Variants in EPM2A observed in about 807,000 individuals in gnomAD.
EPM2A encodes EPM2A glucan phosphatase, laforin, also known as laforin.
EPM2A carries 21 observed loss-of-function variants against 26.5 expected under a neutral mutation model. The ratio of observed to expected loss-of-function variants is 0.79; its 90% CI spans 0.56 to 1.14. The LOEUF (loss-of-function observed/expected upper bound fraction) is 1.14. Ranked by LOEUF, EPM2A falls within the 50% of genes most tolerant of loss-of-function variation. The pLI is 0.00. For synonymous variants in EPM2A, 217 were observed against 177.6 expected (o/e 1.22, Z -1.76); for missense variants, 458 against 440.8 (o/e 1.04, Z -0.35).
chr6:145,435,407 A>ATT (rs960683450), intron 4 of EPM2A, among the ~76,000 whole-genome samples: 7 of 124,812 alleles, frequency 5.6e-5, no homozygotes, highest in African/African-American at 1.8e-4. Flanking sequence ...AGAGTGAAGA[A>ATT]TTTATATATA....
chr6:145,681,506 T>C (rs1005243824), intron 2 of EPM2A, among the ~76,000 whole-genome samples: 2 of 149,796 alleles, frequency 1.3e-5, no homozygotes, highest in African/African-American at 4.9e-5. Flanking sequence ...GGTTTTCTTC[T>C]AGGGTTTTTA....
intron 4 of EPM2A, among the ~76,000 whole-genome samples, chr6:145,392,804 A>G (rs1313233691): frequency 6.6e-6 from 1 of 152,146 alleles, no homozygotes; most frequent in East Asian, 1.9e-4. Context: ...TAGATCAACC[A>G]TGAGGGTTTG....
rs373085488 is a variant in EPM2A, at chr6:145,448,997, A to G, written c.555+53525T>C. Among the ~76,000 whole-genome samples the G allele has an allele frequency of 2.4e-4, 36 of 152,290 alleles. No individual in the cohort carries two copies. The South Asian group carries it at 2.7e-3, about 11-fold the overall frequency. ...TGTAAGTAGCAAAGCTTTGAGGGCT[A>G]GGGATGTGCTTCATATCTATTTTCT... On this transcript the variant is annotated intron_variant, in intron 4 of 4. Transcript: ENST00000638717.
chr6:145,576,828 G>A (rs1781038536), intron 2 of EPM2A, among the ~76,000 whole-genome samples: 1 of 151,914 alleles, frequency 6.6e-6, no homozygotes, highest in African/African-American at 2.4e-5. Context: ...TTTGTTCAGA[G>A]ATAGACAATA....
intron 2 of EPM2A, among the ~76,000 whole-genome samples, chr6:145,565,868 G>A (rs758046523): frequency 6.6e-6 from 1 of 152,112 alleles, no homozygotes; most frequent in Non-Finnish European, 1.5e-5. Context: ...TGGGCACACC[G>A]TGGACCACTG....
intron 2 of EPM2A, among the ~76,000 whole-genome samples, chr6:145,646,659 T>C (rs932668255): frequency 3.3e-5 from 5 of 152,188 alleles, no homozygotes; most frequent in African/African-American, 1.2e-4. Context: ...CTGGTCTCCC[T>C]TCAATTTATA....
downstream of EPM2A, among the ~76,000 whole-genome samples, chr6:145,624,170 A>G (rs1775696630): frequency 1.3e-5 from 2 of 151,982 alleles, no homozygotes; most frequent in Non-Finnish European, 2.9e-5. Flanking sequence ...CCATGATTTG[A>G]TCAGCACGTT....
chr6:145,483,175 C>A (rs1485753824), intron 4 of EPM2A, among the ~76,000 whole-genome samples: 1 of 151,834 alleles, frequency 6.6e-6, no homozygotes. Flanking sequence ...CATGAAATAG[C>A]CCTTATTATT....
chr6:145,415,438 T>A (rs1778694968), intron 4 of EPM2A, among the ~76,000 whole-genome samples: 1 of 152,210 alleles, frequency 6.6e-6, no homozygotes, highest in African/African-American at 2.4e-5. Context: ...ACATAATTTT[T>A]CCCTGAACGT....
chr6:145,595,376 A>G lies in EPM2A; in HGVS notation c.340+39869T>C, dbSNP rs185455635. On this transcript the variant is annotated intron_variant, in intron 2 of 3. Coordinates refer to the EPM2A transcript ENST00000450221. Reference sequence around the variant, plus strand: ...CCTATTCTCCAAGAAGACATACTATAGGAATAGATATTTCTACTATGTGCT... The same window carrying G: ...CCTATTCTCCAAGAAGACATACTATGGGAATAGATATTTCTACTATGTGCT... Among the ~76,000 whole-genome samples, 11 of 152,022 alleles carry G rather than the reference A, an allele frequency of 7.2e-5. No individual in the cohort carries two copies. The East Asian group carries it at 2.1e-3, about 29-fold the overall frequency.
intron 4 of EPM2A, among the ~76,000 whole-genome samples, chr6:145,400,012 T>C (rs1454361177): frequency 6.6e-6 from 1 of 152,178 alleles, no homozygotes. Flanking sequence ...GTTTTGATTT[T>C]TATGCTGCTT....
chr6:145,496,798 C>T (rs537799812), downstream of EPM2A, among the ~76,000 whole-genome samples: 45 of 134,840 alleles, frequency 3.3e-4, 1 homozygote, highest in African/African-American at 7.4e-4. Context: ...ACTGCAGTGG[C>T]ACAATCTCGG....
chr6:145,395,783 A>G (rs1778397254), intron 4 of EPM2A, among the ~76,000 whole-genome samples: 1 of 152,058 alleles, frequency 6.6e-6, no homozygotes, highest in African/African-American at 2.4e-5. Context: ...AAACTCCCTT[A>G]CTCAATCTGA....
Position 145,480,103 on chromosome 6 carries a change from G to A in EPM2A, c.555+22419C>T, listed in dbSNP as rs139561704. On this transcript the variant is annotated intron_variant, in intron 4 of 4. Transcript: ENST00000638717. ...AAATTGTTTGCCAGTTTTTAATTGG[G>A]TTGTCTGTCTCTTTGTTTTTCAGTA... is the stretch of plus-strand genomic sequence containing the variant. Among the ~76,000 whole-genome samples the A allele has an allele frequency of 1.4e-3, 207 of 151,850 alleles. 1 individual carries two copies. Among genetic ancestry groups the A allele is most frequent in the African/African-American group, 4.8e-3 (200 of 41,422 alleles).
intron 2 of EPM2A, among the ~76,000 whole-genome samples, chr6:145,553,050 G>A (rs1167201999): frequency 6.6e-6 from 1 of 152,038 alleles, no homozygotes; most frequent in East Asian, 1.9e-4. Context: ...TCAAGGATGA[G>A]ACCAGATGGA....
intron 2 of EPM2A, chr6:145,639,133 A>T (rs916139906): frequency 1.3e-5 from 2 of 152,198 alleles, no homozygotes; most frequent in African/African-American, 4.8e-5. Context: ...ACCAAAATTC[A>T]AAGATATAAT....
chr6:145,495,530 T>C (rs1243511404), intron 4 of EPM2A, among the ~76,000 whole-genome samples: 1 of 152,148 alleles, frequency 6.6e-6, no homozygotes, highest in Non-Finnish European at 1.5e-5. Context: ...CCTGTCATCA[T>C]GATGCTACCT....
chr6:145,616,750 A>G (rs1775521919), intron 2 of EPM2A, among the ~76,000 whole-genome samples: 1 of 152,196 alleles, frequency 6.6e-6, no homozygotes, highest in African/African-American at 2.4e-5. Flanking sequence ...ATCATTTTGG[A>G]ATTTTAAGAT....
At chr6:145,462,564 T>G (rs866978676) in intron 4 of EPM2A, among the ~76,000 whole-genome samples, 1 of 152,196 alleles carries the variant, frequency 6.6e-6, no homozygotes, top group Admixed American at 6.6e-5. Context: ...TGAATCTTGC[T>G]CATAAATTAA....
Sources: gnomAD v4.1 joint callset for allele counts (sites outside exome capture counted in the v4.1 genomes callset) on GRCh38, gnomAD v4.1.1 for gene constraint, MANE v1.5 for transcripts, NCBI Gene and HGNC (gene_info 2026-07-23, HGNC 2026-07-21) for gene names.